The following KIAA1217 variants were observed in gnomAD, a reference collection of about 807,000 sequenced individuals.
KIAA1217 encodes KIAA1217, also known as sickle tail protein homolog.
A neutral mutation model predicts 163.9 loss-of-function variants in KIAA1217; 88 were observed. That is an observed-to-expected ratio of 0.54 (90% CI 0.45 to 0.64). KIAA1217 has a LOEUF of 0.64. Among genes scored for constraint, KIAA1217 ranks in the 30% least tolerant of loss-of-function variants. The pLI is 0.00. For synonymous variants in KIAA1217, 903 were observed against 923.1 expected, an observed-to-expected ratio of 0.98 and a Z score of 0.39; for missense variants, 2,372 against 2,475.0, an observed-to-expected ratio of 0.96 and a Z score of 0.88.
chr10:24,313,643 T>G (rs2042986400), intron 2 of KIAA1217, among the ~76,000 whole-genome samples: 1 of 152,274 alleles, frequency 6.6e-6, no homozygotes, highest in African/African-American at 2.4e-5. Context: ...GTTGTGCTTT[T>G]TGGGGATACC....
At chr10:24,267,543 C>A (rs527722104) in intron 2 of KIAA1217, among the ~76,000 whole-genome samples, 4 of 152,260 alleles carry the variant, frequency 2.6e-5, no homozygotes, top group African/African-American at 9.6e-5. Flanking sequence ...GAACTCCTGG[C>A]CTCAAATGAT....
intron 2 of KIAA1217, among the ~76,000 whole-genome samples, chr10:24,314,447 G>A (rs562025964): frequency 1.3e-5 from 2 of 152,222 alleles, no homozygotes; most frequent in South Asian, 2.1e-4. Context: ...AATGAGGGAG[G>A]GTATTCATGT....
At chr10:24,210,275 G>A (rs1165611869) in intron 1 of KIAA1217, among the ~76,000 whole-genome samples, 1 of 152,164 alleles carries the variant, frequency 6.6e-6, no homozygotes, top group Non-Finnish European at 1.5e-5. Flanking sequence ...AACTTACAAT[G>A]ACAAGAGATA....
chr10:24,049,077 A>G (rs1020851507), intron 2 of KIAA1217, among the ~76,000 whole-genome samples: 49 of 151,434 alleles, frequency 3.2e-4, no homozygotes, highest in South Asian at 4.2e-4. Context: ...CTAATGAATG[A>G]GAAGTAATAA....
At chr10:24,146,185 G>A (rs1398356418) in intron 2 of KIAA1217, among the ~76,000 whole-genome samples, 3 of 152,146 alleles carry the variant, frequency 2.0e-5, no homozygotes, top group Non-Finnish European at 2.9e-5. Context: ...CATTTGCTCA[G>A]AAAGATACAA....
intron 2 of KIAA1217, among the ~76,000 whole-genome samples, chr10:24,338,013 T>G (rs1376907039): frequency 6.6e-6 from 1 of 152,188 alleles, no homozygotes; most frequent in Middle Eastern, 3.2e-3. Flanking sequence ...GACATTGTAA[T>G]CTCTCAAAGT....
chr10:23,899,889 CTTT>C (rs1841881990), intron 1 of KIAA1217, among the ~76,000 whole-genome samples: 1 of 151,974 alleles, frequency 6.6e-6, no homozygotes, highest in African/African-American at 2.4e-5. Flanking sequence ...GTCCAGTCTT[CTTT>C]GTTTTACTTC....
At chr10:24,185,378 T>A (rs77302150) in intron 2 of KIAA1217, among the ~76,000 whole-genome samples, 2 of 72,300 alleles carry the variant, frequency 2.8e-5, no homozygotes, top group Non-Finnish European at 7.8e-5. Context: ...GTCCTCGAAC[T>A]CTTCCTTTGT....
intron 1 of KIAA1217, among the ~76,000 whole-genome samples, chr10:23,932,720 T>A (rs1209048213): frequency 2.0e-5 from 3 of 152,218 alleles, no homozygotes; most frequent in Non-Finnish European, 4.4e-5. Flanking sequence ...AGTCCTGAGA[T>A]GTTATCTCTT....
intron 5 of KIAA1217, among the ~76,000 whole-genome samples, chr10:24,451,641 C>T (rs536539898): frequency 1.3e-5 from 2 of 152,222 alleles, no homozygotes; most frequent in South Asian, 2.1e-4. Context: ...TGGAGCAGAA[C>T]CTTCCTTCTC....
intron 9 of KIAA1217, among the ~76,000 whole-genome samples, chr10:24,502,072 C>A (rs1032964255): frequency 6.6e-6 from 1 of 151,740 alleles, no homozygotes; most frequent in Non-Finnish European, 1.5e-5. Context: ...TTAAGCTGTG[C>A]GTACTTTTAC....
chr10:24,407,546 TC>T (rs2057355588), intron 3 of KIAA1217, among the ~76,000 whole-genome samples: 1 of 151,930 alleles, frequency 6.6e-6, no homozygotes, highest in African/African-American at 2.4e-5. Flanking sequence ...CCTCAAGTGA[TC>T]CCCCCACCTC....
intron 5 of KIAA1217, among the ~76,000 whole-genome samples, chr10:24,447,357 G>C (rs2132192322): frequency 6.6e-6 from 1 of 152,002 alleles, no homozygotes; most frequent in Non-Finnish European, 1.5e-5. Context: ...CATTACATTA[G>C]GTATATCTCC....
At chr10:23,824,229 A>G (rs530245270) in intron 1 of KIAA1217, among the ~76,000 whole-genome samples, 70 of 152,222 alleles carry the variant, frequency 4.6e-4, no homozygotes, top group African/African-American at 1.6e-3. Flanking sequence ...AGCTGAGATC[A>G]TGCCACTGTA....
chr10:24,306,938 G>A (rs1479143342), intron 2 of KIAA1217, among the ~76,000 whole-genome samples: 1 of 152,138 alleles, frequency 6.6e-6, no homozygotes, highest in Non-Finnish European at 1.5e-5. Flanking sequence ...CATTCACACG[G>A]CAAGAAATGA....
intron 2 of KIAA1217, among the ~76,000 whole-genome samples, chr10:24,231,343 G>A (rs780983884): frequency 2.0e-4 from 31 of 152,234 alleles, no homozygotes; most frequent in Admixed American, 3.9e-4. Flanking sequence ...TAATAAAGAA[G>A]CAGTTGCATA....
At chr10:23,973,276 G>C (rs1845399020) in intron 1 of KIAA1217, among the ~76,000 whole-genome samples, 1 of 152,178 alleles carries the variant, frequency 6.6e-6, no homozygotes, top group Non-Finnish European at 1.5e-5. Context: ...AAGAATTTTA[G>C]CCTATCGTTA....
intron 2 of KIAA1217, chr10:24,255,364 C>T (rs1159479441): frequency 6.1e-6 from 2 of 328,434 alleles, no homozygotes; most frequent in Admixed American, 4.0e-5. Flanking sequence ...GTCAGGGGTG[C>T]GTCAGGCCTG....
intron 2 of KIAA1217, among the ~76,000 whole-genome samples, chr10:24,190,610 A>G (rs943297705): frequency 5.3e-5 from 8 of 152,106 alleles, no homozygotes; most frequent in African/African-American, 1.2e-4. Context: ...AGATTCCCCC[A>G]TATTTCCTGG....
Sources: allele counts gnomAD v4.1 joint callset (sites outside exome capture counted in the v4.1 genomes callset), GRCh38; gene constraint gnomAD v4.1.1; transcripts MANE v1.5; gene names NCBI Gene and HGNC (gene_info 2026-07-23, HGNC 2026-07-21).